PDZD2: variants seen among roughly 807,000 people sequenced by gnomAD.
PDZD2 encodes the protein PDZ domain-containing protein 2.
PDZD2 carries 90 observed loss-of-function variants against 220.7 expected under a neutral mutation model. That is an observed-to-expected ratio of 0.41 (90% CI 0.34 to 0.49). PDZD2 has a LOEUF of 0.49. Ranked by LOEUF, PDZD2 falls within the 20% of genes least tolerant of loss-of-function variation. The pLI is 0.28. For missense variants in PDZD2, 3,174 were observed against 3,608.5 expected (o/e 0.88, Z 3.08); for synonymous variants, 1,375 against 1,450.5 (o/e 0.95, Z 1.18).
intron 1 of PDZD2, among the ~76,000 whole-genome samples, chr5:31,668,842 T>C (rs1372716585): frequency 3.3e-5 from 5 of 152,174 alleles, no homozygotes; most frequent in Admixed American, 6.6e-5. Flanking sequence ...TCCCAGGAGT[T>C]TCTTGGTGGT....
intron 1 of PDZD2, among the ~76,000 whole-genome samples, chr5:31,785,287 G>A (rs925045071): frequency 6.6e-6 from 1 of 151,598 alleles, no homozygotes; most frequent in Admixed American, 6.6e-5. Context: ...AGACATGGAT[G>A]GTAGGAAGTT....
chr5:31,855,110 G>C, intron 2 of PDZD2: 1 of 985,488 alleles, frequency 1.0e-6, no homozygotes, highest in South Asian at 4.7e-5. Flanking sequence ...AGCTGCTGCC[G>C]GCGGAGACTC....
In PDZD2 at chr5:32,069,578, C is replaced by G. The variant is rs764504011; in HGVS notation, c.2461C>G (p.Gln821Glu). The G allele has an allele frequency of 1.3e-6, 2 of 1,586,322 alleles. No homozygotes were observed. Among genetic ancestry groups the G allele is most frequent in the Non-Finnish European group, 1.7e-6 (2 of 1,154,830 alleles). The part of the protein sequence containing the change: ...GRHPNPKVSE[Q>E]EMDEVIARST... ...TTCTGCTGAAAATCAGGTTTCCGAG[C>G]AGGAAATGGATGAAGTCATAGCACG... Residue 821 changes from glutamine (Q) to glutamate (E), a missense_variant, in exon 15 of 25, where the codon CAG becomes GAG. Transcript: ENST00000438447.
At chr5:31,693,022 G>A (rs555714800) in intron 1 of PDZD2, 5 of 152,546 alleles carry the variant, frequency 3.3e-5, no homozygotes, top group African/African-American at 9.6e-5. Flanking sequence ...AAGAGGGAGC[G>A]TTTGGATCTG....
intron 2 of PDZD2, among the ~76,000 whole-genome samples, chr5:31,967,158 G>C (rs1748834328): frequency 6.6e-6 from 1 of 152,230 alleles, no homozygotes; most frequent in Admixed American, 6.5e-5. Flanking sequence ...CGGACGCTGG[G>C]AAGAATTGAG....
At chr5:32,010,517 A>T in intron 6 of PDZD2, 35 bp downstream of exon 6, 2 of 1,555,116 alleles carry the variant, frequency 1.3e-6, no homozygotes, top group Non-Finnish European at 1.8e-6. Context: ...TTCTGTTGGA[A>T]TTACTTTTTT....
At chr5:32,030,441 A>G (rs1031017839) in intron 6 of PDZD2, among the ~76,000 whole-genome samples, 1 of 152,228 alleles carries the variant, frequency 6.6e-6, no homozygotes, top group Non-Finnish European at 1.5e-5. Context: ...ATTTTGGGGC[A>G]GTAATTGGAT....
chr5:31,840,431 TATATATATATATATA>T lies in PDZD2; in HGVS notation c.476+40708_476+40722del, dbSNP rs1561499231. 6.2e-3 allele frequency: 606 copies of T among 98,168 alleles called. 31 individuals are homozygous for T. The highest frequency in any genetic ancestry group is 0.017 in the Admixed American group (139 of 7,956). 6.1% of individuals were successfully genotyped at this position (98,168 alleles called of 1,614,324 possible). A position where few individuals can be genotyped will look rare whatever the true frequency, so the allele number is the denominator to read the frequency against. ...ATATATATATATATATATATATATA[TATATATATATATATA>T]TATTTGTTTATAGTCCAGAGGTCTT... On this transcript the variant is annotated intron_variant, in intron 2 of 24. Transcript: ENST00000438447.
At chr5:31,829,779 G>T (rs1756453600) in intron 2 of PDZD2, among the ~76,000 whole-genome samples, 1 of 152,096 alleles carries the variant, frequency 6.6e-6, no homozygotes, top group African/African-American at 2.4e-5. Flanking sequence ...ATGGCTGGGT[G>T]TGGTGGCTCA....
intron 1 of PDZD2, among the ~76,000 whole-genome samples, chr5:31,669,579 T>G (rs991791080): frequency 3.9e-5 from 6 of 152,118 alleles, no homozygotes; most frequent in African/African-American, 1.4e-4. Flanking sequence ...GCCTTAACAT[T>G]ATCTAATACT....
intron 1 of PDZD2, among the ~76,000 whole-genome samples, chr5:31,797,184 C>A (rs1322609696): frequency 1.4e-5 from 2 of 147,558 alleles, no homozygotes; most frequent in African/African-American, 2.5e-5. Context: ...ACCTTGTGAT[C>A]CGCCCGCCTC....
At chr5:31,762,350 C>T (rs774723908) in intron 1 of PDZD2, among the ~76,000 whole-genome samples, 1 of 152,208 alleles carries the variant, frequency 6.6e-6, no homozygotes, top group Non-Finnish European at 1.5e-5. Context: ...TGCAATGGCA[C>T]GATTTCAGCT....
At chr5:31,916,739 A>T (rs7731762) in intron 2 of PDZD2, among the ~76,000 whole-genome samples, 140,428 of 152,096 alleles carry the variant, frequency 0.92, 65,010 homozygotes, top group East Asian at 0.98. Flanking sequence ...ACCTCCTTGC[A>T]TAGCTGTTCC....
In PDZD2 at chr5:32,087,952, T is replaced by G; in HGVS notation, c.4504T>G (p.Ser1502Ala). ...PAYPQWASQPSVLDSINPDKH... is the reference protein window; with the variant it reads ...PAYPQWASQPAVLDSINPDKH... ...CTACCCACAATGGGCCTCCCAGCCTTCGGTTTTAGATTCAATTAATCCCGA... is the reference window on the plus strand; with the variant it reads ...CTACCCACAATGGGCCTCCCAGCCTGCGGTTTTAGATTCAATTAATCCCGA... Residue 1502 changes from serine to alanine, a missense_variant, in exon 20 of 25, where the codon TCG becomes GCG. Ser to Ala is a moderately conservative substitution (Grantham distance 99, BLOSUM62 1). Transcript: ENST00000438447. This position sits in a 1 kb window ranked among gnomAD's most constrained non-coding sequence, Gnocchi z 4.0. The G allele has an allele frequency of 6.2e-7, 1 of 1,614,126 alleles. No individual in the cohort carries two copies. Among genetic ancestry groups the G allele is most frequent in the Non-Finnish European group, 8.5e-7 (1 of 1,179,998 alleles).
At chr5:31,760,746 AC>A (rs1165014979) in intron 1 of PDZD2, among the ~76,000 whole-genome samples, 10 of 151,844 alleles carry the variant, frequency 6.6e-5, no homozygotes, top group Non-Finnish European at 1.2e-4. Flanking sequence ...ACATGGTGAA[AC>A]CCCCATCTCT....
intron 1 of PDZD2, among the ~76,000 whole-genome samples, chr5:31,772,838 C>T (rs1752414061): frequency 6.6e-6 from 1 of 152,168 alleles, no homozygotes; most frequent in African/African-American, 2.4e-5. Flanking sequence ...CACAGACCAA[C>T]CAGAAGTTTC....
chr5:32,075,630 T>A (rs189255593), intron 18 of PDZD2, among the ~76,000 whole-genome samples: 33 of 152,372 alleles, frequency 2.2e-4, no homozygotes, highest in African/African-American at 7.7e-4. Context: ...TGTTCATTTT[T>A]AAAAATGTTC....
At chr5:32,028,072 A>G (rs977495178) in intron 6 of PDZD2, among the ~76,000 whole-genome samples, 1 of 152,112 alleles carries the variant, frequency 6.6e-6, no homozygotes, top group South Asian at 2.1e-4. Flanking sequence ...CTTGGGAACC[A>G]TAAAAACATG....
chr5:31,670,752 A>G (rs1483974830), intron 1 of PDZD2, among the ~76,000 whole-genome samples: 1 of 151,934 alleles, frequency 6.6e-6, no homozygotes, highest in Non-Finnish European at 1.5e-5. Context: ...AGACCTTGAG[A>G]TGAGGATTTG....
Sources: allele counts gnomAD v4.1 joint callset (sites outside exome capture counted in the v4.1 genomes callset), GRCh38; gene constraint gnomAD v4.1.1; non-coding constraint Gnocchi (gnomAD v3.1); transcripts MANE v1.5; gene names NCBI Gene and HGNC (gene_info 2026-07-23, HGNC 2026-07-21).